MARCHF8: variants seen among roughly 807,000 people sequenced by gnomAD.
The protein encoded by MARCHF8 is membrane associated ring-CH-type finger 8.
MARCHF8 carries 40 observed loss-of-function variants against 51.6 expected under a neutral mutation model. That is an observed-to-expected ratio of 0.77 (90% confidence interval 0.60 to 1.01). The LOEUF is 1.01. Ranked by LOEUF, MARCHF8 falls within the 50% of genes least tolerant of loss-of-function variation. The pLI, the probability that MARCHF8 is intolerant of heterozygous loss-of-function variation, is 0.00. For missense variants in MARCHF8, 685 were observed against 708.6 expected (o/e 0.97, Z 0.38); for synonymous variants, 263 against 280.3 (o/e 0.94, Z 0.62).
intron 3 of MARCHF8, among the ~76,000 whole-genome samples, chr10:45,484,845 C>CT (rs2042951982): frequency 6.6e-6 from 1 of 152,096 alleles, no homozygotes. Flanking sequence ...ATCATCATGA[C>CT]CAAGGGGATA....
chr10:45,476,822 G>A (rs2042795249), intron 3 of MARCHF8, among the ~76,000 whole-genome samples: 2 of 152,070 alleles, frequency 1.3e-5, no homozygotes, highest in South Asian at 2.1e-4. Context: ...ATTTAAAAAA[G>A]GAATAGAAAA....
intron 1 of MARCHF8, among the ~76,000 whole-genome samples, chr10:45,550,118 GATA>G (rs951321775): frequency 1.5e-4 from 23 of 152,108 alleles, no homozygotes; most frequent in African/African-American, 5.6e-4. Context: ...TTTTTCCTCT[GATA>G]ATAATAGTTT....
chr10:45,559,999 C>G lies in MARCHF8; in HGVS notation c.-78-26710G>C, dbSNP rs114514457. Among the ~76,000 whole-genome samples, 1,020 of 152,234 alleles carry G rather than the reference C, an allele frequency of 6.7e-3. 9 individuals are homozygous for G. Among genetic ancestry groups the G allele is most frequent in the African/African-American group, 0.023 (971 of 41,530 alleles). ...ATCCTTCCTCCCCGCAACACACAGACAGGCAGCTGCTCCAAGGACAGCCAA... is the reference window on the plus strand; with the variant it reads ...ATCCTTCCTCCCCGCAACACACAGAGAGGCAGCTGCTCCAAGGACAGCCAA... On this transcript the variant is annotated intron_variant, in intron 1 of 6. Coordinates refer to the MARCHF8 transcript ENST00000319836.
At chr10:45,565,422 C>T (rs1400176952) in intron 1 of MARCHF8, among the ~76,000 whole-genome samples, 6 of 151,942 alleles carry the variant, frequency 3.9e-5, no homozygotes, top group Admixed American at 3.9e-4. Flanking sequence ...GAGTAAGACC[C>T]TGCATCATAA....
At chr10:45,529,396 C>G (rs1229863989) in intron 2 of MARCHF8, among the ~76,000 whole-genome samples, 1 of 152,132 alleles carries the variant, frequency 6.6e-6, no homozygotes, top group Non-Finnish European at 1.5e-5. Context: ...AAAAACTCTT[C>G]TGGACATTGG....
At chr10:45,577,720 A>T (rs2044506061) in intron 1 of MARCHF8, among the ~76,000 whole-genome samples, 1 of 152,204 alleles carries the variant, frequency 6.6e-6, no homozygotes, top group Non-Finnish European at 1.5e-5. Flanking sequence ...ATTTTGTTAT[A>T]GCAGCATAAC....
At position 45,527,368 on chromosome 10, in the gene MARCHF8, C is replaced by T. The variant is rs534298131; in HGVS notation, c.102+5742G>A. Among the ~76,000 whole-genome samples, 5 of 152,186 alleles carry T rather than the reference C, an allele frequency of 3.3e-5. No homozygotes were observed. The South Asian group carries it at 8.3e-4, about 25-fold the overall frequency. ...AAAGATAAACAAAATTGACAGCCTA[C>T]TAGCTACATTAACCAAGAAGAAAGA... is the stretch of plus-strand genomic sequence containing the variant. On this transcript the variant is annotated intron_variant, in intron 2 of 7. Transcript: ENST00000453424.
intron 1 of MARCHF8, among the ~76,000 whole-genome samples, chr10:45,562,517 T>C (rs1182591893): frequency 1.3e-5 from 2 of 152,180 alleles, no homozygotes; most frequent in Non-Finnish European, 2.9e-5. Context: ...TTGTCAACTG[T>C]CATCATATGC....
At chr10:45,465,490 T>A (rs561316481) in intron 3 of MARCHF8, among the ~76,000 whole-genome samples, 1 of 152,146 alleles carries the variant, frequency 6.6e-6, no homozygotes, top group Non-Finnish European at 1.5e-5. Flanking sequence ...TGCACTCTCA[T>A]CCTGGAACTC....
chr10:45,579,929 C>T (rs1009403143), intron 1 of MARCHF8, among the ~76,000 whole-genome samples: 1 of 138,602 alleles, frequency 7.2e-6, no homozygotes, highest in African/African-American at 2.7e-5. Flanking sequence ...AGGAGAATTG[C>T]TTGAACTCGG....
chr10:45,594,279 G>C (rs1589203135), exon 1 of MARCHF8: 1 of 152,238 alleles, frequency 6.6e-6, no homozygotes, highest in Non-Finnish European at 1.5e-5. Flanking sequence ...GGTCTCTCGA[G>C]ATCACACGTC....
rs2133324492 is a variant in MARCHF8 at position 45,546,568 on chromosome 10, G to A, written c.-78-13279C>T. 2.6e-5 allele frequency among the ~76,000 whole-genome samples: 4 copies of A among 152,106 alleles called. 1 individual carries two copies. In the South Asian group the frequency reaches 8.3e-4, roughly 32 times the overall value. Reference sequence around the variant, plus strand: ...AAGCCAAGGCGAGTGGATCACTTAAGCTCCGGAGTTTGAGACCAGCCTGGG... The same window carrying A: ...AAGCCAAGGCGAGTGGATCACTTAAACTCCGGAGTTTGAGACCAGCCTGGG... On this transcript the variant is annotated intron_variant, in intron 1 of 6. Transcript: ENST00000319836.
At chr10:45,546,075 C>T (rs1409064613) in intron 1 of MARCHF8, among the ~76,000 whole-genome samples, 1 of 152,030 alleles carries the variant, frequency 6.6e-6, no homozygotes, top group African/African-American at 2.4e-5. Flanking sequence ...TTGGGCTTGG[C>T]CTGTTAAAAC....
intron 1 of MARCHF8, among the ~76,000 whole-genome samples, chr10:45,547,659 G>A (rs970292829): frequency 1.3e-5 from 2 of 151,974 alleles, no homozygotes; most frequent in African/African-American, 4.8e-5. Context: ...GCACTGCTAC[G>A]GGAAGGACTA....
intron 1 of MARCHF8, among the ~76,000 whole-genome samples, chr10:45,555,287 C>T (rs910921593): frequency 4.6e-5 from 7 of 151,558 alleles, no homozygotes; most frequent in Non-Finnish European, 1.5e-5. Flanking sequence ...GCTGGGTAAA[C>T]TGGTTTGTGC....
intron 3 of MARCHF8, among the ~76,000 whole-genome samples, chr10:45,477,896 C>G (rs926497104): frequency 1.3e-5 from 2 of 152,146 alleles, no homozygotes; most frequent in African/African-American, 4.8e-5. Flanking sequence ...GCACCCTACA[C>G]CAGAGCACTC....
chr10:45,472,068 G>A (rs529160402), intron 3 of MARCHF8, among the ~76,000 whole-genome samples: 10 of 152,322 alleles, frequency 6.6e-5, no homozygotes, highest in Non-Finnish European at 1.2e-4. Context: ...ACTACTGACA[G>A]AAACATGGCA....
At chr10:45,565,761 G>A (rs2044357621) in intron 1 of MARCHF8, among the ~76,000 whole-genome samples, 1 of 152,082 alleles carries the variant, frequency 6.6e-6, no homozygotes, top group Non-Finnish European at 1.5e-5. Context: ...CATGAACACT[G>A]AGTTACCAAA....
At chr10:45,529,403 T>C (rs1191771715) in intron 2 of MARCHF8, among the ~76,000 whole-genome samples, 6 of 152,186 alleles carry the variant, frequency 3.9e-5, no homozygotes, top group Non-Finnish European at 7.3e-5. Flanking sequence ...CTTCTGGACA[T>C]TGGCCTAAGG....
Sources: allele counts gnomAD v4.1 joint callset (sites outside exome capture counted in the v4.1 genomes callset), GRCh38; gene constraint gnomAD v4.1.1; transcripts MANE v1.5; gene names NCBI Gene and HGNC (gene_info 2026-07-23, HGNC 2026-07-21).